The following RAD54B variants were observed in gnomAD, a reference collection of about 807,000 sequenced individuals.
The protein encoded by RAD54B is RAD54 homolog B, also known as DNA repair and recombination protein RAD54B.
RAD54B carries 78 observed loss-of-function variants against 95.8 expected under a neutral mutation model. That is an observed-to-expected ratio of 0.81 (90% CI 0.68 to 0.98). RAD54B has a LOEUF of 0.98. RAD54B is among the 50% of genes least tolerant of loss of function. The pLI is 0.00. For missense variants in RAD54B, 957 were observed against 1,056.6 expected (o/e 0.91, Z 1.31); for synonymous variants, 328 against 354.9 (o/e 0.92, Z 0.85).
intron 3 of RAD54B, among the ~76,000 whole-genome samples, chr8:94,426,543 T>C (rs1473139445): frequency 1.3e-5 from 2 of 152,070 alleles, no homozygotes; most frequent in African/African-American, 2.4e-5. Flanking sequence ...GAGCTACTAA[T>C]AGGATGGATA....
chr8:94,400,437 A>T lies in RAD54B; in HGVS notation c.971T>A (p.Leu324His). The stretch of plus-strand genomic sequence containing the variant: ...CTTCCCTAAACCCATTTCATCAGCA[A>T]GAATAGCTCCACATCTGCCATTCAT... ...MRMNGRCGAI[L>H]ADEMGLGKTL... is the part of the protein sequence containing the mutation. Residue 324 changes from leucine to histidine, a missense_variant, in exon 7 of 15, where the codon CTT becomes CAT. By Grantham distance (99) the Leu-to-His change is moderately conservative. Coordinates refer to ENST00000336148, the MANE Select transcript of RAD54B (RefSeq NM_012415.3). 1 of 1,612,072 alleles carries T rather than the reference A, an allele frequency of 6.2e-7. No individual in the cohort carries two copies. Among genetic ancestry groups the T allele is most frequent in the Non-Finnish European group, 8.5e-7 (1 of 1,178,878 alleles).
intron 3 of RAD54B, among the ~76,000 whole-genome samples, chr8:94,438,271 T>G (rs1006940166): frequency 6.6e-6 from 1 of 152,252 alleles, no homozygotes; most frequent in African/African-American, 2.4e-5. Flanking sequence ...TTTAAGTGTA[T>G]TATCTTTCAG....
At chr8:94,453,497 C>G (rs1312289995) in intron 3 of RAD54B, among the ~76,000 whole-genome samples, 11 of 152,048 alleles carry the variant, frequency 7.2e-5, no homozygotes, top group Admixed American at 7.2e-4. Context: ...CCACTGCACT[C>G]CGGCCTGGGT....
intron 1 of RAD54B, among the ~76,000 whole-genome samples, chr8:94,468,984 G>A (rs1311121022): frequency 6.6e-6 from 1 of 151,580 alleles, no homozygotes; most frequent in Non-Finnish European, 1.5e-5. Context: ...CAAAACATAT[G>A]AGAATAAGCC....
Position 94,411,277 on chromosome 8 carries a change from G to C in RAD54B, c.343C>G (p.Gln115Glu). The C allele has an allele frequency of 6.2e-7, 1 of 1,604,254 alleles. No homozygotes were observed. The highest frequency in any genetic ancestry group is 8.5e-7 in the Non-Finnish European group (1 of 1,177,538). ...APKEVAVSKE[Q>E]EEKSDSLVKY... ...ACTAGGCTATCAGATTTCTCTTCTT[G>C]TTCCTTGGACACTGCTACTTCTTTA... Residue 115 changes from glutamine (Q) to glutamate (E), a missense_variant, in exon 4 of 15, where the codon CAA (glutamine) becomes GAA (glutamate). Gln to Glu is a conservative substitution (Grantham distance 29, BLOSUM62 2). Transcript: ENST00000336148.
Position 94,404,138 on chromosome 8 carries a change from G to T in RAD54B, c.883C>A (p.His295Asn), listed in dbSNP as rs867904134. ...DVVIDPYLVY[H>N]LRPHQKEGII... ...CCTTCTTTCTGATGTGGTCGAAGAT[G>T]ATATACAAGGTAAGGATCAATCACT... The change falls in exon 6 of 15, where the codon CAT becomes AAT. Residue 295 changes from histidine to asparagine, a missense_variant. His to Asn is a moderately conservative substitution (Grantham distance 68). Transcript: ENST00000336148. 4 of 1,610,714 alleles carry T rather than the reference G, an allele frequency of 2.5e-6. No homozygotes were observed. The highest frequency in any genetic ancestry group is 3.4e-6 in the Non-Finnish European group (4 of 1,177,588).
At position 94,391,671 on chromosome 8, in the gene RAD54B, T is replaced by A. The variant is rs1432355712; in HGVS notation, c.1747A>T (p.Ile583Leu). The change falls in exon 10 of 15, where the codon ATA becomes TTA. Residue 583 changes from isoleucine (I) to leucine (L), a missense_variant. By Grantham distance (5) the Ile-to-Leu change is conservative. Coordinates refer to ENST00000336148, the MANE Select transcript of RAD54B (RefSeq NM_012415.3). ...AGTTTTTTAAGAGCTCCTATACATATTAGATGGGGACTATTTTCCAACAAC... is the reference window on the plus strand; with the variant it reads ...AGTTTTTTAAGAGCTCCTATACATAATAGATGGGGACTATTTTCCAACAAC... ...QGLLENSPHLICIGALKKLCN... is the reference protein window; with the variant it reads ...QGLLENSPHLLCIGALKKLCN... 1 of 1,613,856 alleles carries A rather than the reference T, an allele frequency of 6.2e-7. No homozygotes were observed. Among genetic ancestry groups the A allele is most frequent in the Admixed American group, 1.7e-5 (1 of 59,968 alleles).
intron 2 of RAD54B, among the ~76,000 whole-genome samples, chr8:94,459,320 TG>T (rs1563665108): frequency 6.6e-6 from 1 of 151,642 alleles, no homozygotes; most frequent in East Asian, 2.0e-4. Flanking sequence ...ACCCAGCTAA[TG>T]TTTTTTTTTC....
intron 3 of RAD54B, chr8:94,430,070 T>C (rs1362921174): frequency 3.1e-6 from 3 of 956,078 alleles, no homozygotes; most frequent in African/African-American, 3.5e-5. Context: ...TCCCAGCACT[T>C]TGGGAGGCCG....
At chr8:94,390,191 A>C (rs1810982753) in intron 10 of RAD54B, among the ~76,000 whole-genome samples, 1 of 151,728 alleles carries the variant, frequency 6.6e-6, no homozygotes, top group Non-Finnish European at 1.5e-5. Context: ...TAAAAAATAA[A>C]TATTTTTAAA....
At chr8:94,433,967 TAA>T (rs1481509804) in intron 3 of RAD54B, among the ~76,000 whole-genome samples, 1 of 151,810 alleles carries the variant, frequency 6.6e-6, no homozygotes, top group African/African-American at 2.4e-5. Context: ...GATATTTATC[TAA>T]GAGACAAAAT....
At chr8:94,413,827 CTTT>C (rs34318667) in intron 3 of RAD54B, among the ~76,000 whole-genome samples, 2 of 139,162 alleles carry the variant, frequency 1.4e-5, no homozygotes, top group Non-Finnish European at 3.1e-5. Context: ...AATAATTATT[CTTT>C]TTTTTTTTTC....
intron 10 of RAD54B, among the ~76,000 whole-genome samples, chr8:94,390,543 G>C (rs1436995525): frequency 1.4e-5 from 2 of 147,664 alleles, no homozygotes; most frequent in African/African-American, 4.9e-5. Flanking sequence ...GCATCACTAA[G>C]TTTCTCCAGA....
At chr8:94,377,417 T>A (rs1810608035) in intron 14 of RAD54B, among the ~76,000 whole-genome samples, 1 of 151,294 alleles carries the variant, frequency 6.6e-6, no homozygotes, top group African/African-American at 2.4e-5. Flanking sequence ...ACACCTGTAG[T>A]CCCAGCTACT....
chr8:94,464,004 AG>A (rs1278948576), intron 2 of RAD54B, among the ~76,000 whole-genome samples: 1 of 152,146 alleles, frequency 6.6e-6, no homozygotes, highest in Non-Finnish European at 1.5e-5. Context: ...ATTGCTAAAA[AG>A]TGGAAACAAC....
chr8:94,375,034 T>C (rs1160869923), intron 14 of RAD54B, among the ~76,000 whole-genome samples: 5 of 152,210 alleles, frequency 3.3e-5, no homozygotes, highest in Admixed American at 2.6e-4. Flanking sequence ...TCCACTAAAC[T>C]GGCAAGGCTA....
At chr8:94,453,687 G>A (rs1812717210) in intron 3 of RAD54B, among the ~76,000 whole-genome samples, 1 of 152,046 alleles carries the variant, frequency 6.6e-6, no homozygotes, top group Non-Finnish European at 1.5e-5. Flanking sequence ...TATGTTTCTA[G>A]AATACTTCAA....
intron 2 of RAD54B, among the ~76,000 whole-genome samples, chr8:94,458,719 T>A (rs1812833872): frequency 6.6e-6 from 1 of 152,074 alleles, no homozygotes; most frequent in African/African-American, 2.4e-5. Flanking sequence ...ATATAAAAAT[T>A]AGCCTGGCGT....
chr8:94,400,303 T>A lies in RAD54B; in HGVS notation c.1105A>T (p.Asn369Tyr), dbSNP rs1811239866. Residue 369 changes from asparagine (N) to tyrosine (Y), a missense_variant, in exon 7 of 15, where the codon AAT becomes TAT. Transcript: ENST00000336148. ...LIVTPGSLVNNWKKEFQKWLG... is the reference protein window; with the variant it reads ...LIVTPGSLVNYWKKEFQKWLG... ...CATTTTTGAAATTCTTTCTTCCAAT[T>A]ATTCACCAAGCTTCCAGGTGTGACA... 1 of 1,613,802 alleles carries A rather than the reference T, an allele frequency of 6.2e-7. No homozygotes were observed. The highest frequency in any genetic ancestry group is 1.7e-5 in the Admixed American group (1 of 59,944).
Sources: allele counts gnomAD v4.1 joint callset (sites outside exome capture counted in the v4.1 genomes callset), GRCh38; gene constraint gnomAD v4.1.1; transcripts MANE v1.5; gene names NCBI Gene and HGNC (gene_info 2026-07-23, HGNC 2026-07-21).